ATP10A: variants seen among roughly 807,000 people sequenced by gnomAD.
The protein encoded by ATP10A is ATPase phospholipid transporting 10A (putative), also known as phospholipid-transporting ATPase VA.
A neutral mutation model predicts 147.8 loss-of-function variants in ATP10A; 111 were observed. The ratio of observed to expected loss-of-function variants is 0.75; its 90% CI spans 0.64 to 0.88. The LOEUF is 0.88. Among genes scored for constraint, ATP10A ranks in the 40% least tolerant of loss-of-function variants. The pLI is 0.00. For synonymous variants in ATP10A, 875 were observed against 841.6 expected, an observed-to-expected ratio of 1.04 and a Z score of -0.69; for missense variants, 1,927 against 1,959.0, an observed-to-expected ratio of 0.98 and a Z score of 0.31.
chr15:25,736,187 G>C, intron 2 of ATP10A, 46 bp from the exon 3 acceptor site: 1 of 1,542,906 alleles, frequency 6.5e-7, no homozygotes, highest in African/African-American at 1.4e-5. Flanking sequence ...GGCTCAGGCT[G>C]CGCCGTTCTA....
intron 1 of ATP10A, among the ~76,000 whole-genome samples, chr15:25,847,319 ACTGAAAC>A (rs1337091809): frequency 1.3e-5 from 2 of 152,084 alleles, no homozygotes; most frequent in Non-Finnish European, 1.5e-5. Context: ...CCCCTTTTGG[ACTGAAAC>A]CTCCCTCTCT....
At chr15:25,732,210 C>T (rs1486973048) in intron 3 of ATP10A, among the ~76,000 whole-genome samples, 1 of 152,134 alleles carries the variant, frequency 6.6e-6, no homozygotes, top group Non-Finnish European at 1.5e-5. Flanking sequence ...TGTAAAACTA[C>T]CACCACCAGC....
intron 1 of ATP10A, among the ~76,000 whole-genome samples, chr15:25,797,849 C>T (rs1890752187): frequency 6.6e-6 from 1 of 152,090 alleles, no homozygotes; most frequent in South Asian, 2.1e-4. Flanking sequence ...GCCATGCTAC[C>T]CGATCTCACC....
Position 25,718,380 on chromosome 15 carries a change from G to T in ATP10A, c.1383C>A (p.Tyr461Ter). Residue 461 changes from tyrosine (Y) to a stop codon, truncating the protein, a stop_gained, in exon 8 of 21, where the codon TAC (tyrosine) becomes TAA (stop). Coordinates refer to ENST00000555815, the MANE Select transcript of ATP10A (RefSeq NM_024490.4). LOFTEE classifies it high-confidence loss of function. The stretch of plus-strand genomic sequence containing the variant: ...CCTCCTCCTCCGAGTCTGCCTCTTG[G>T]TACCTGGCCAGACGCTGCGCTGCGG... Reference protein sequence around the residue: ...HDANAQRLARYQEADSEEEEV... With the variant: ...HDANAQRLAR 6.2e-7 allele frequency: 1 copy of T among 1,604,938 alleles called. No homozygotes were observed.
chr15:25,862,910 G>T lies in ATP10A; in HGVS notation c.187C>A (p.Arg63=). The T allele has an allele frequency of 6.2e-7, 1 of 1,608,624 alleles. No individual in the cohort carries two copies. The highest frequency in any genetic ancestry group is 8.5e-7 in the Non-Finnish European group (1 of 1,178,280). Residue 63 remains arginine (R), a synonymous_variant, in exon 1 of 21, where the codon CGG becomes AGG. Transcript: ENST00000555815. The part of the protein sequence containing the change: ...RGCAQHLADN[R]LKTTKYTLLS... ...AGCGTGTACTTGGTAGTCTTGAGCCGGTTGTCGGCCAGGTGCTGGGCACAC... is the reference window on the plus strand; with the variant it reads ...AGCGTGTACTTGGTAGTCTTGAGCCTGTTGTCGGCCAGGTGCTGGGCACAC...
chr15:25,803,593 C>T (rs1481465556), intron 1 of ATP10A, among the ~76,000 whole-genome samples: 1 of 152,210 alleles, frequency 6.6e-6, no homozygotes. Context: ...CAGTCCTGTC[C>T]TACTCCCAAG....
At chr15:25,688,062 A>G (rs1899798763) in intron 15 of ATP10A, 1 of 550,342 alleles carries the variant, frequency 1.8e-6, no homozygotes, top group Middle Eastern at 4.7e-4. Context: ...TATAAGATTC[A>G]TTTACGCTTT....
At chr15:25,814,684 C>CT (rs1480948579) in intron 1 of ATP10A, among the ~76,000 whole-genome samples, 7 of 152,222 alleles carry the variant, frequency 4.6e-5, no homozygotes, top group African/African-American at 7.2e-5. Flanking sequence ...GAGTCAGCTA[C>CT]TTCTAAAGAC....
At position 25,713,906 on chromosome 15, in the gene ATP10A, C is replaced by T. The variant is rs772499223; in HGVS notation, c.2112G>A (p.Val704=). ...CGCAGTTGTAGGCTCTGGCCGCATA[C>T]ACCAGTGCGGCCTCATCCGGGCTCT... is the stretch of plus-strand genomic sequence containing the variant. ...EAESPDEAAL[V]YAARAYNCVL... Residue 704 remains valine (V), a synonymous_variant, in exon 10 of 21, where the codon GTG becomes GTA. Transcript: ENST00000555815. 22 of 1,613,218 alleles carry T rather than the reference C, an allele frequency of 1.4e-5. No individual in the cohort carries two copies. In the African/African-American group the frequency reaches 2.1e-4, roughly 16 times the overall value.
At chr15:25,672,915 C>T (rs180940521), downstream of ATP10A, among the ~76,000 whole-genome samples, 56 of 152,174 alleles carry the variant, frequency 3.7e-4, no homozygotes, top group Admixed American at 2.9e-3. Flanking sequence ...ACGAGGTGTG[C>T]GGAGGGTTAC....
At chr15:25,693,309 C>A (rs1337639557) in intron 14 of ATP10A, among the ~76,000 whole-genome samples, 1 of 152,210 alleles carries the variant, frequency 6.6e-6, no homozygotes, top group African/African-American at 2.4e-5. Context: ...TGGTGTGAAC[C>A]ACGTGCCCAG....
intron 1 of ATP10A, among the ~76,000 whole-genome samples, chr15:25,782,232 G>A (rs1397715044): frequency 6.6e-6 from 1 of 152,156 alleles, no homozygotes; most frequent in East Asian, 1.9e-4. Flanking sequence ...GACAGAAAGT[G>A]GATTAGGCAC....
intron 3 of ATP10A, among the ~76,000 whole-genome samples, chr15:25,732,480 C>T (rs550063948): frequency 2.0e-5 from 3 of 151,994 alleles, no homozygotes; most frequent in Non-Finnish European, 4.4e-5. Context: ...CATTCCACAC[C>T]CCCAAACCCT....
chr15:25,817,376 C>G (rs184365771), intron 1 of ATP10A, among the ~76,000 whole-genome samples: 1 of 152,196 alleles, frequency 6.6e-6, no homozygotes, highest in Non-Finnish European at 1.5e-5. Flanking sequence ...AGCCACCGCA[C>G]CCAGCCTCTC....
In ATP10A at chr15:25,721,879, T is replaced by TGGAAACGTATAA; in HGVS notation, c.1129_1140dup (p.Leu377_Ser380dup). ...ACTTGGCATGCTTTAACAATTTCAA[T>TGGAAACGTATAA]GGAAACGTATAAGGAAATTGGGATC... On this transcript the variant is annotated inframe_insertion, in exon 7 of 21. Transcript: ENST00000555815. 6.2e-7 allele frequency: 1 copy of TGGAAACGTATAA among 1,613,824 alleles called. No homozygotes were observed. Among genetic ancestry groups the TGGAAACGTATAA allele is most frequent in the Non-Finnish European group, 8.5e-7 (1 of 1,179,806 alleles).
intron 3 of ATP10A, among the ~76,000 whole-genome samples, chr15:25,727,682 T>G (rs1902664284): frequency 2.0e-5 from 3 of 152,238 alleles, no homozygotes; most frequent in Admixed American, 2.0e-4. Context: ...AATACAAACA[T>G]CTTTCTACAA....
chr15:25,763,674 A>G (rs375700398), intron 2 of ATP10A, among the ~76,000 whole-genome samples: 7 of 152,354 alleles, frequency 4.6e-5, no homozygotes, highest in African/African-American at 1.7e-4. Context: ...CTGCTGTAAA[A>G]TGATTCACTC....
rs779140495 is a variant in ATP10A, at chr15:25,713,871, T to C, written c.2147A>G (p.Glu716Gly). The C allele has an allele frequency of 1.2e-6, 2 of 1,613,834 alleles. No homozygotes were observed. Among genetic ancestry groups the C allele is most frequent in the Non-Finnish European group, 1.7e-6 (2 of 1,180,030 alleles). The change falls in exon 10 of 21, where the codon GAG becomes GGG. Residue 716 changes from glutamate (E) to glycine (G), a missense_variant. Transcript: ENST00000555815. ...AARAYNCVLV[E>G]RLHDQVSVEL... is the part of the protein sequence containing the mutation. ...CACTGACACTTGGTCGTGCAGCCGC[T>C]CCACAAGCACGCAGTTGTAGGCTCT...
rs147701208 is a variant in ATP10A, at chr15:25,826,005, A to AT, written c.449+36642dup. Among the ~76,000 whole-genome samples the AT allele has an allele frequency of 2.8e-3, 430 of 152,312 alleles. 2 individuals are homozygous for AT. The highest frequency in any genetic ancestry group is 9.6e-3 in the African/African-American group (398 of 41,574). On this transcript the variant is annotated intron_variant, in intron 1 of 20. Coordinates refer to ENST00000555815, the MANE Select transcript of ATP10A (RefSeq NM_024490.4). ...TATTGCAAAAAAGAACCAAATACAAATTCTGGAGTTGAAAAGTACAATAAA... is the reference window on the plus strand; with the variant it reads ...TATTGCAAAAAAGAACCAAATACAAATTTCTGGAGTTGAAAAGTACAATAAA...
Sources: gnomAD v4.1 joint callset for allele counts (sites outside exome capture counted in the v4.1 genomes callset) on GRCh38, gnomAD v4.1.1 for gene constraint, MANE v1.5 for transcripts, NCBI Gene and HGNC (gene_info 2026-07-23, HGNC 2026-07-21) for gene names.